The following LINGO2 variants were observed in gnomAD, a reference collection of about 807,000 sequenced individuals.
LINGO2 encodes leucine-rich repeat and immunoglobulin-like domain-containing nogo receptor-interacting protein 2.
LINGO2 carries 14 observed loss-of-function variants against 30.6 expected under a neutral mutation model. The observed-to-expected ratio is 0.46, with a 90% confidence interval of 0.30 to 0.72. The LOEUF is 0.72. LINGO2 is among the 30% of genes least tolerant of loss of function. The pLI, the probability that LINGO2 is intolerant of heterozygous loss-of-function variation, is 0.07. For synonymous variants in LINGO2, 317 were observed against 288.5 expected, an observed-to-expected ratio of 1.10 and a Z score of -1.00; for missense variants, 729 against 751.7, an observed-to-expected ratio of 0.97 and a Z score of 0.35.
At chr9:28,402,623 G>T (rs1334267369) in intron 2 of LINGO2, among the ~76,000 whole-genome samples, 5 of 149,526 alleles carry the variant, frequency 3.3e-5, no homozygotes, top group South Asian at 2.1e-4. Flanking sequence ...TTCCTCTTAG[G>T]TATCTGCTCT....
intron 5 of LINGO2, among the ~76,000 whole-genome samples, chr9:27,961,096 A>C (rs1819822850): frequency 6.6e-6 from 1 of 152,194 alleles, no homozygotes; most frequent in South Asian, 2.1e-4. Flanking sequence ...TACAGTATTC[A>C]ATAAGTTACA....
chr9:28,111,438 A>G (rs138598155), intron 4 of LINGO2, among the ~76,000 whole-genome samples: 2 of 152,212 alleles, frequency 1.3e-5, no homozygotes, highest in African/African-American at 4.8e-5. Context: ...GAAGAGGCTG[A>G]CATCATGCGT....
At chr9:27,981,894 C>T (rs1044003905) in intron 5 of LINGO2, among the ~76,000 whole-genome samples, 3 of 151,840 alleles carry the variant, frequency 2.0e-5, no homozygotes, top group Non-Finnish European at 4.4e-5. Context: ...TGATTTTAGA[C>T]ATCCAAGCAA....
chr9:28,462,253 C>T (rs1825111352), intron 2 of LINGO2, among the ~76,000 whole-genome samples: 1 of 151,544 alleles, frequency 6.6e-6, no homozygotes, highest in African/African-American at 2.4e-5. Context: ...TTGCAGAATC[C>T]CTAAGGTGAA....
chr9:28,781,855 A>G, the LINGO2 span, among the ~76,000 whole-genome samples: 2 of 152,184 alleles, frequency 1.3e-5, no homozygotes, highest in Non-Finnish European at 2.9e-5. Flanking sequence ...ACCATTACTT[A>G]TTGGCAACAT....
chr9:29,181,450 C>T, the LINGO2 span, among the ~76,000 whole-genome samples: 1 of 151,908 alleles, frequency 6.6e-6, no homozygotes, highest in Admixed American at 6.6e-5. Flanking sequence ...AAAAAGTTTC[C>T]AGCATTTTCA....
intron 1 of LINGO2, among the ~76,000 whole-genome samples, chr9:28,557,725 T>C (rs1416529542): frequency 6.6e-6 from 1 of 150,592 alleles, no homozygotes. Context: ...TTATTCACAA[T>C]AGCAAAGACT....
At chr9:29,196,285 T>C in the LINGO2 span, among the ~76,000 whole-genome samples, 4,373 of 152,194 alleles carry the variant, frequency 0.029, 93 homozygotes, top group South Asian at 0.075. Context: ...GTTGCTAGAA[T>C]AGATTTAATT....
the LINGO2 span, among the ~76,000 whole-genome samples, chr9:28,969,732 G>A: frequency 1.3e-5 from 2 of 152,174 alleles, no homozygotes; most frequent in African/African-American, 4.8e-5. Flanking sequence ...ATGAATTGAC[G>A]TGGGTATGAA....
chr9:29,132,589 T>A, the LINGO2 span, among the ~76,000 whole-genome samples: 1 of 152,176 alleles, frequency 6.6e-6, no homozygotes, highest in African/African-American at 2.4e-5. Flanking sequence ...CGTTCTTGTG[T>A]CACTTGCTGG....
chr9:28,167,054 C>T (rs890928722), intron 4 of LINGO2, among the ~76,000 whole-genome samples: 2 of 151,928 alleles, frequency 1.3e-5, no homozygotes, highest in Admixed American at 6.6e-5. Context: ...TGTAGAATCC[C>T]AGTCTATGGG....
At chr9:28,705,930 AT>A in the LINGO2 span, among the ~76,000 whole-genome samples, 3 of 151,088 alleles carry the variant, frequency 2.0e-5, no homozygotes, top group South Asian at 2.1e-4. Flanking sequence ...AGAGTGGTTG[AT>A]TTTTTTTTCA....
intron 4 of LINGO2, among the ~76,000 whole-genome samples, chr9:28,043,186 A>C (rs191215028): frequency 6.6e-6 from 1 of 152,128 alleles, no homozygotes; most frequent in African/African-American, 2.4e-5. Flanking sequence ...AGCTAGCACT[A>C]ATTTTCAAAT....
the LINGO2 span, among the ~76,000 whole-genome samples, chr9:29,015,052 C>T: frequency 2.6e-5 from 4 of 152,152 alleles, no homozygotes; most frequent in East Asian, 7.7e-4. Context: ...ATCACCCACA[C>T]TTCATGAACC....
the LINGO2 span, among the ~76,000 whole-genome samples, chr9:29,114,968 T>A: frequency 2.0e-5 from 3 of 152,136 alleles, no homozygotes; most frequent in African/African-American, 7.2e-5. Context: ...TTTATATGAT[T>A]TGTTTTTACC....
At chr9:28,770,065 C>T in the LINGO2 span, among the ~76,000 whole-genome samples, 3 of 151,942 alleles carry the variant, frequency 2.0e-5, no homozygotes, top group Admixed American at 2.0e-4. Context: ...ACAGTTTTTC[C>T]CCTTTGACTT....
chr9:29,119,577 C>CTTTTTT, the LINGO2 span, among the ~76,000 whole-genome samples: 5 of 82,536 alleles, frequency 6.1e-5, no homozygotes, highest in Non-Finnish European at 8.9e-5. Flanking sequence ...CAGTTGTCAT[C>CTTTTTT]TTTTTTTTTT....
intron 2 of LINGO2, among the ~76,000 whole-genome samples, chr9:28,422,336 A>G (rs1328671648): frequency 6.6e-6 from 1 of 152,052 alleles, no homozygotes; most frequent in Non-Finnish European, 1.5e-5. Flanking sequence ...AAACAACCTG[A>G]TTTTTTGAAA....
intron 1 of LINGO2, among the ~76,000 whole-genome samples, chr9:28,600,638 C>T (rs1031256988): frequency 1.3e-5 from 2 of 151,896 alleles, no homozygotes. Context: ...TAATATAAAT[C>T]GAAGGTCAAA....
Sources: gnomAD v4.1 joint callset for allele counts (sites outside exome capture counted in the v4.1 genomes callset) on GRCh38, gnomAD v4.1.1 for gene constraint, MANE v1.5 for transcripts, NCBI Gene and HGNC (gene_info 2026-07-23, HGNC 2026-07-21) for gene names.